The following SLC7A3 variants were observed in gnomAD, a reference collection of about 807,000 sequenced individuals.
SLC7A3 encodes the protein cationic amino acid transporter 3.
In SLC7A3, 3 loss-of-function variants were observed where a neutral mutation model predicts 33.2. The ratio of observed to expected loss-of-function variants is 0.09; its 90% confidence interval spans 0.04 to 0.23. The LOEUF is 0.23. Among genes scored for constraint, SLC7A3 ranks in the 10% least tolerant of loss-of-function variants. The pLI, the probability that SLC7A3 is intolerant of heterozygous loss-of-function variation, is 1.00. For synonymous variants in SLC7A3, 193 were observed against 195.1 expected, an observed-to-expected ratio of 0.99 and a Z score of 0.09; for missense variants, 360 against 488.8, an observed-to-expected ratio of 0.74 and a Z score of 2.48.
rs1273798447 is a variant in SLC7A3 at position 70,929,727 on chromosome X, C to T, written c.271G>A (p.Val91Ile). ...GLCYAEFGAR[V>I]PRSGSAYLYS... ...AGATATGCCGAACCAGAACGGGGAA[C>T]CCGGGCACCAAACTCCGCATAGCAC... Residue 91 changes from valine to isoleucine, a missense_variant, in exon 2 of 12, where the codon GTT becomes ATT. Coordinates refer to ENST00000374299, the MANE Select transcript of SLC7A3 (RefSeq NM_032803.6). 8.3e-7 allele frequency: 1 copy of T among 1,209,558 alleles called. No individual in the cohort carries two copies. The highest frequency in any genetic ancestry group is 1.1e-6 in the Non-Finnish European group (1 of 895,086).
Position 70,925,772 on chromosome X carries a change from T to C in SLC7A3, c.*41A>G, listed in dbSNP as rs766507451. ...TCACTGGGGTCAGGAGTACTCTCCA[T>C]TATTGTGCAGGGGACCAGACAGCAT... On this transcript the variant is annotated 3_prime_UTR_variant, in exon 12 of 12. Coordinates refer to ENST00000374299, the MANE Select transcript of SLC7A3 (RefSeq NM_032803.6). 4.1e-6 allele frequency: 5 copies of C among 1,206,968 alleles called. No homozygotes were observed. The highest frequency in any genetic ancestry group is 3.0e-5 in the East Asian group (1 of 33,826).
chrX:70,930,911 A>C (rs1459164013), intron 1 of SLC7A3, 66 bp downstream of exon 1: 2 of 111,381 alleles, frequency 1.8e-5, no homozygotes, highest in African/African-American at 6.5e-5. Flanking sequence ...GTTGCCAGAG[A>C]ATCCTAGGTA....
In SLC7A3 at chrX:70,925,809, G is replaced by A. The variant is rs978103355; in HGVS notation, c.*4C>T. ...GGACCAGACAGCATTTAGGTGTGACGATGTCAAACTGAGTGGACATAGAGA... is the reference window on the plus strand; with the variant it reads ...GGACCAGACAGCATTTAGGTGTGACAATGTCAAACTGAGTGGACATAGAGA... On this transcript the variant is annotated 3_prime_UTR_variant, in exon 12 of 12. Transcript: ENST00000374299. 1.7e-6 allele frequency: 2 copies of A among 1,209,164 alleles called. No individual in the cohort carries two copies. The highest frequency in any genetic ancestry group is 2.2e-5 in the Admixed American group (1 of 45,606).
chrX:70,930,546 G>C (rs1340409472), intron 1 of SLC7A3, among the ~76,000 whole-genome samples: 1 of 111,949 alleles, frequency 8.9e-6, no homozygotes, highest in Non-Finnish European at 1.9e-5. Flanking sequence ...TCCTCACCAA[G>C]CCCACACTGC....
intron 1 of SLC7A3, 24 bp from the exon 2 acceptor site, chrX:70,930,046 CCCT>C: frequency 8.6e-7 from 1 of 1,158,340 alleles, no homozygotes; most frequent in Non-Finnish European, 1.2e-6. Context: ...AGACAAAAAC[CCCT>C]CGACAGGGCT....
chrX:70,929,687 G>T lies in SLC7A3; in HGVS notation c.311C>A (p.Thr104Asn). ...SGSAYLYSYV[T>N]VGELWAFTTG... Reference sequence around the variant, plus strand: ...GGTGAAGGCCCAGAGTTCACCCACAGTGACATAGCTGTAGAGATATGCCGA... The same window carrying T: ...GGTGAAGGCCCAGAGTTCACCCACATTGACATAGCTGTAGAGATATGCCGA... Residue 104 changes from threonine (T) to asparagine (N), a missense_variant, in exon 2 of 12, where the codon ACT (threonine) becomes AAT (asparagine). Coordinates refer to ENST00000374299, the MANE Select transcript of SLC7A3 (RefSeq NM_032803.6). 1 of 1,211,297 alleles carries T rather than the reference G, an allele frequency of 8.3e-7. No individual in the cohort carries two copies. Among genetic ancestry groups the T allele is most frequent in the African/African-American group, 1.7e-5 (1 of 57,854 alleles).
intron 8 of SLC7A3, 64 bp downstream of exon 8, chrX:70,927,218 A>T (rs2147905115): frequency 9.1e-7 from 1 of 1,102,029 alleles, no homozygotes; most frequent in African/African-American, 1.8e-5. Context: ...AGAGGAGCAG[A>T]TCTCCATCAT....
chrX:70,925,620 G>A lies in SLC7A3; in HGVS notation c.*193C>T. ...CTTTTAATATCATTTTTTAAAGTTG[G>A]TAAGCAGCTAGACATCATTTAGAAG... is the stretch of plus-strand genomic sequence containing the variant. On this transcript the variant is annotated 3_prime_UTR_variant, in exon 12 of 12. Coordinates refer to ENST00000374299, the MANE Select transcript of SLC7A3 (RefSeq NM_032803.6). 1 of 399,905 alleles carries A rather than the reference G, an allele frequency of 2.5e-6. No homozygotes were observed. The highest frequency in any genetic ancestry group is 4.2e-6 in the Non-Finnish European group (1 of 239,770). The allele number at this position is 399,905 out of a possible 1,213,427, so 33.0% of individuals were successfully genotyped here. A position where few individuals can be genotyped will look rare whatever the true frequency, so the allele number is the denominator to read the frequency against.
Position 70,928,181 on chromosome X carries a change from A to G in SLC7A3, c.784T>C (p.Tyr262His). ...GILRGAATCF[Y>H]AFVGFDCIAT... ...ATACAGTCGAAACCAACAAATGCATAGAAACAGGTCGCTGCTCCACGGAGA... is the reference window on the plus strand; with the variant it reads ...ATACAGTCGAAACCAACAAATGCATGGAAACAGGTCGCTGCTCCACGGAGA... The change falls in exon 5 of 12, where the codon TAT (tyrosine) becomes CAT (histidine). Residue 262 changes from tyrosine (Y) to histidine (H), a missense_variant. Physicochemically the swap from Tyr to His is moderately conservative, Grantham distance 83. Coordinates refer to ENST00000374299, the MANE Select transcript of SLC7A3 (RefSeq NM_032803.6). 1 of 1,211,627 alleles carries G rather than the reference A, an allele frequency of 8.3e-7. No homozygotes were observed. The highest frequency in any genetic ancestry group is 1.1e-6 in the Non-Finnish European group (1 of 895,369).
chrX:70,926,625 G>C lies in SLC7A3; in HGVS notation c.1522C>G (p.Leu508Val), dbSNP rs6525447. 177,040 of 1,191,787 alleles carry C rather than the reference G, an allele frequency of 0.15. 16,800 individuals are homozygous for C. Among genetic ancestry groups the C allele is most frequent in the African/African-American group, 0.56 (31,622 of 56,178 alleles). Residue 508 changes from leucine to valine, a missense_variant, in exon 10 of 12, where the codon CTG becomes GTG. Physicochemically the swap from Leu to Val is conservative, Grantham distance 32. Transcript: ENST00000374299. ...AGCAGCACAACCACTGCAGTCCACA[G>C]CAGGTCTCCAGAAAGCAATGGAACT... The part of the protein sequence containing the change: ...WSVPLLSGDL[L>V]WTAVVVLLLL...
chrX:70,926,188 A>C lies in SLC7A3; in HGVS notation c.1621-10T>G, dbSNP rs374105364. On this transcript the variant is annotated splice_polypyrimidine_tract_variant and intron_variant, in intron 10 of 11. Coordinates refer to ENST00000374299, the MANE Select transcript of SLC7A3 (RefSeq NM_032803.6). ...GAGGCAAAGCAGGCACCTGAAAACA[A>C]AGTAAAATCTTCTTTGTACATACCA... 59 of 1,183,795 alleles carry C rather than the reference A, an allele frequency of 5.0e-5. No homozygotes were observed. The highest frequency in any genetic ancestry group is 5.6e-5 in the Non-Finnish European group (49 of 874,266).
Position 70,926,526 on chromosome X carries a change from C to T in SLC7A3, c.1620+1G>A. 8.4e-7 allele frequency: 1 copy of T among 1,195,514 alleles called. No homozygotes were observed. Among genetic ancestry groups the T allele is most frequent in the Non-Finnish European group, 1.1e-6 (1 of 887,373 alleles). On this transcript the variant is annotated splice_donor_variant, in intron 10 of 11. Coordinates refer to ENST00000374299, the MANE Select transcript of SLC7A3 (RefSeq NM_032803.6). LOFTEE classifies it high-confidence loss of function. ...AAGGAAAAAAGACAGAGTTCATTTA[C>T]CTTAAAGTGAAGGGGAGTGGAACTC...
rs188253454 is a variant in SLC7A3, at chrX:70,925,712, T to C, written c.*101A>G. On this transcript the variant is annotated 3_prime_UTR_variant, in exon 12 of 12. Transcript: ENST00000374299. ...TTCACATCGTACAGAACTGTATTAGTATCCACCACCACCATCACAGGGGAG... is the reference window on the plus strand; with the variant it reads ...TTCACATCGTACAGAACTGTATTAGCATCCACCACCACCATCACAGGGGAG... The C allele has an allele frequency of 7.5e-5, 72 of 961,897 alleles. No homozygotes were observed. In the African/African-American group the frequency reaches 1.3e-3, roughly 18 times the overall value. 79.3% of individuals were successfully genotyped at this position (961,897 alleles called of 1,213,427 possible). A position where few individuals can be genotyped will look rare whatever the true frequency, so the allele number is the denominator to read the frequency against.
At chrX:70,928,124 A>T in intron 5 of SLC7A3, 21 bp downstream of exon 5, 4 of 1,201,928 alleles carry the variant, frequency 3.3e-6, no homozygotes, top group Non-Finnish European at 4.5e-6. Context: ...AGCCCCAAAC[A>T]GAATGGAATG....
intron 2 of SLC7A3, among the ~76,000 whole-genome samples, chrX:70,929,228 C>A (rs7059898): frequency 0.27 from 29,489 of 110,845 alleles, 3,396 homozygotes; most frequent in Middle Eastern, 0.49. Flanking sequence ...GTAGTTGGGA[C>A]TACAGGTGTA....
At chrX:70,927,167 A>G in intron 8 of SLC7A3, 115 bp downstream of exon 8, 1 of 1,068,171 alleles carries the variant, frequency 9.4e-7, no homozygotes, top group Non-Finnish European at 1.3e-6. Context: ...AGATACCCAG[A>G]TTCCTCAAAG....
chrX:70,928,664 A>C, intron 3 of SLC7A3, 31 bp from the exon 4 acceptor site: 1 of 1,171,396 alleles, frequency 8.5e-7, no homozygotes, highest in Non-Finnish European at 1.1e-6. Context: ...GGACTCCCAG[A>C]AAGTCTTCAG....
In SLC7A3 at chrX:70,926,545, G is replaced by A; in HGVS notation, c.1602C>T (p.Ser534=). The change falls in exon 10 of 12, where the codon TCC becomes TCT. Residue 534 remains serine, a synonymous_variant. Transcript: ENST00000374299. ...IVVIWRQPQS[S]TPLHFKVPAL... The stretch of plus-strand genomic sequence containing the variant: ...CATTTACCTTAAAGTGAAGGGGAGT[G>A]GAACTCTGTGGCTGTCTCCAGATGA... 1.7e-6 allele frequency: 2 copies of A among 1,199,013 alleles called. No homozygotes were observed. The highest frequency in any genetic ancestry group is 2.2e-6 in the Non-Finnish European group (2 of 889,096).
chrX:70,926,320 T>A (rs769666871), intron 10 of SLC7A3, 142 bp from the exon 11 acceptor site: 72 of 666,457 alleles, frequency 1.1e-4, no homozygotes, highest in Non-Finnish European at 1.6e-4. Context: ...GCATACCTCA[T>A]GAGACTCCAA....
Sources: allele counts gnomAD v4.1 joint callset (sites outside exome capture counted in the v4.1 genomes callset), GRCh38; gene constraint gnomAD v4.1.1; transcripts MANE v1.5; gene names NCBI Gene and HGNC (gene_info 2026-07-23, HGNC 2026-07-21).